MDGA1: variants seen among roughly 807,000 people sequenced by gnomAD.
MDGA1 encodes the protein MAM domain-containing glycosylphosphatidylinositol anchor protein 1.
Under a neutral mutation model 101.5 loss-of-function variants are expected in MDGA1, and 54 were observed. That is an observed-to-expected ratio of 0.53 (90% CI 0.43 to 0.67). The LOEUF is 0.67. MDGA1 is among the 30% of genes least tolerant of loss of function. The pLI, the probability that MDGA1 is intolerant of heterozygous loss-of-function variation, is 0.00. For synonymous variants in MDGA1, 533 were observed against 558.3 expected (o/e 0.95, Z 0.64); for missense variants, 1,083 against 1,323.8 (o/e 0.82, Z 2.82).
Position 37,649,270 on chromosome 6 carries a change from G to A in MDGA1, c.1610-4C>T. The A allele has an allele frequency of 1.3e-6, 2 of 1,488,112 alleles. No individual in the cohort carries two copies. The highest frequency in any genetic ancestry group is 1.8e-6 in the Non-Finnish European group (2 of 1,128,720). The allele number at this position is 1,488,112 out of a possible 1,614,324, so 92.2% of individuals were successfully genotyped here. A position where few individuals can be genotyped will look rare whatever the true frequency, so the allele number is the denominator to read the frequency against. The stretch of plus-strand genomic sequence containing the variant: ...CTGGGCTCCACCTCCGGCGGGACTG[G>A]GGGCGGGAGCGGCGGTCAGCGGGGC... On this transcript the variant is annotated splice_region_variant and splice_polypyrimidine_tract_variant and intron_variant, in intron 8 of 16. Coordinates refer to ENST00000434837, the MANE Select transcript of MDGA1 (RefSeq NM_153487.4).
rs556220931 is a variant in MDGA1, at chr6:37,648,979, C to A, written c.1894+3G>T. 173 of 1,552,020 alleles carry A rather than the reference C, an allele frequency of 1.1e-4. No individual in the cohort carries two copies. Among genetic ancestry groups the A allele is most frequent in the Non-Finnish European group, 1.2e-4 (143 of 1,149,336 alleles). On this transcript the variant is annotated splice_donor_region_variant and intron_variant, in intron 9 of 16. Transcript: ENST00000434837. ...GGTGGGGCGGGACCCACTGGACGCT[C>A]ACCGGAGACCTGGAAGAGGCAGGCA...
chr6:37,649,966 GC>G, intron 8 of MDGA1, 142 bp downstream of exon 8: 1 of 900,722 alleles, frequency 1.1e-6, no homozygotes, highest in Admixed American at 2.0e-5. Context: ...ACAGCATGGG[GC>G]TGTCAAGGAG....
chr6:37,674,609 T>C (rs1397194860), intron 1 of MDGA1, among the ~76,000 whole-genome samples: 1 of 152,220 alleles, frequency 6.6e-6, no homozygotes, highest in African/African-American at 2.4e-5. Context: ...CTTCACTGTC[T>C]ATCAATGGAA....
chr6:37,697,105 C>T lies in MDGA1; in HGVS notation c.-294G>A. ...CGACCCGAGGAGCCCGGCCGCCGAG[C>T]CGCCCCGGGTACCCAGGGCCGTCCG... On this transcript the variant is annotated 5_prime_UTR_variant, in exon 1 of 17. Coordinates refer to ENST00000434837, the MANE Select transcript of MDGA1 (RefSeq NM_153487.4). 3.4e-6 allele frequency: 1 copy of T among 293,636 alleles called. No homozygotes were observed. The highest frequency in any genetic ancestry group is 6.2e-6 in the Non-Finnish European group (1 of 160,716). 18.2% of individuals were successfully genotyped at this position (293,636 alleles called of 1,614,324 possible).
chr6:37,693,713 C>G (rs867057292), intron 1 of MDGA1, among the ~76,000 whole-genome samples: 1 of 152,230 alleles, frequency 6.6e-6, no homozygotes, highest in Non-Finnish European at 1.5e-5. Flanking sequence ...CTGGGGCCAG[C>G]CCAGCCCCCT....
chr6:37,664,192 G>GCTGACCCCTCCC, intron 1 of MDGA1, 86 bp from the exon 2 acceptor site: 1 of 1,555,268 alleles, frequency 6.4e-7, no homozygotes, highest in Non-Finnish European at 8.8e-7. Context: ...GTGTATCTGG[G>GCTGACCCCTCCC]AGGGGTCAGC....
intron 3 of MDGA1, among the ~76,000 whole-genome samples, chr6:37,656,611 A>C (rs142857772): frequency 1.3e-3 from 205 of 152,004 alleles, no homozygotes; most frequent in African/African-American, 4.8e-3. Context: ...GGGCTCAAGC[A>C]ATCCTCCCGC....
At chr6:37,674,830 C>T (rs568470471) in intron 1 of MDGA1, among the ~76,000 whole-genome samples, 38 of 152,186 alleles carry the variant, frequency 2.5e-4, no homozygotes, top group East Asian at 1.4e-3. Flanking sequence ...CTGAGGCAGG[C>T]GGATCATTAG....
chr6:37,654,573 G>A (rs1225387622), intron 5 of MDGA1, 30 bp from the exon 6 acceptor site: 1 of 1,613,766 alleles, frequency 6.2e-7, no homozygotes, highest in African/African-American at 1.3e-5. Flanking sequence ...GGTCTTAGGG[G>A]ACTGTGAGGC....
At chr6:37,684,573 A>G (rs141760773) in intron 1 of MDGA1, among the ~76,000 whole-genome samples, 1 of 152,328 alleles carries the variant, frequency 6.6e-6, no homozygotes, top group Non-Finnish European at 1.5e-5. Context: ...ATGGCTTTTA[A>G]CTTCAGCCTC....
At chr6:37,658,042 G>T (rs1761531514) in intron 3 of MDGA1, among the ~76,000 whole-genome samples, 1 of 152,214 alleles carries the variant, frequency 6.6e-6, no homozygotes. Flanking sequence ...AAGGGAAGTT[G>T]CAAGGTTCAT....
intron 14 of MDGA1, among the ~76,000 whole-genome samples, chr6:37,643,587 T>C (rs1764143956): frequency 6.6e-6 from 1 of 152,208 alleles, no homozygotes; most frequent in Non-Finnish European, 1.5e-5. Flanking sequence ...TGGGGTCTTC[T>C]ATCTGCAGGC....
At chr6:37,651,867 G>T in intron 7 of MDGA1, 144 bp downstream of exon 7, 1 of 668,734 alleles carries the variant, frequency 1.5e-6, no homozygotes, top group Non-Finnish European at 2.5e-6. Flanking sequence ...TATTAACAGG[G>T]ACTCAATAAA....
chr6:37,689,832 T>G (rs1188167325), intron 1 of MDGA1, among the ~76,000 whole-genome samples: 2 of 152,228 alleles, frequency 1.3e-5, no homozygotes, highest in East Asian at 3.9e-4. Context: ...TGGTACAATC[T>G]TGTGTCTTGC....
intron 14 of MDGA1, among the ~76,000 whole-genome samples, chr6:37,642,210 A>C (rs1764104240): frequency 8.5e-6 from 1 of 117,744 alleles, no homozygotes; most frequent in East Asian, 2.6e-4. Flanking sequence ...ACGGAGTCTT[A>C]CTCTGTCACT....
At position 37,643,964 on chromosome 6, in the gene MDGA1, C is replaced by T. The variant is rs376228664; in HGVS notation, c.2402-21G>A. ...GTAGCCTGCGGGGAATGGGGAGATG[C>T]GCCAACAGCCCCCAAGACAGCCAGG... On this transcript the variant is annotated intron_variant, in intron 13 of 16. Transcript: ENST00000434837. 2.9e-5 allele frequency: 47 copies of T among 1,611,882 alleles called. No homozygotes were observed. The African/African-American group carries it at 4.8e-4, about 16-fold the overall frequency.
intron 1 of MDGA1, among the ~76,000 whole-genome samples, chr6:37,679,710 C>T (rs1009614589): frequency 6.6e-6 from 1 of 152,224 alleles, no homozygotes; most frequent in Non-Finnish European, 1.5e-5. Context: ...CTCCTCCGAA[C>T]AGTGGTGGTC....
At chr6:37,668,068 T>C (rs763860015) in intron 1 of MDGA1, among the ~76,000 whole-genome samples, 1 of 150,934 alleles carries the variant, frequency 6.6e-6, no homozygotes, top group African/African-American at 2.4e-5. Context: ...CTGGGCAACA[T>C]AGTGAGGCTC....
In MDGA1 at chr6:37,654,506, C is replaced by T; in HGVS notation, c.750G>A (p.Leu250=). 6.2e-7 allele frequency: 1 copy of T among 1,614,034 alleles called. No homozygotes were observed. The highest frequency in any genetic ancestry group is 1.6e-4 in the Middle Eastern group (1 of 6,062). The change falls in exon 6 of 17, where the codon CTG becomes CTA. Residue 250 remains leucine, a synonymous_variant. Transcript: ENST00000434837. The part of the protein sequence containing the change: ...PALKLSVNET[L]VVNPGENVTV... Reference sequence around the variant, plus strand: ...TCACATTCTCCCCAGGGTTCACCACCAGAGTTTCGTTCACAGACAGCTTCA... The same window carrying T: ...TCACATTCTCCCCAGGGTTCACCACTAGAGTTTCGTTCACAGACAGCTTCA...
Sources: gnomAD v4.1 joint callset for allele counts (sites outside exome capture counted in the v4.1 genomes callset) on GRCh38, gnomAD v4.1.1 for gene constraint, MANE v1.5 for transcripts, NCBI Gene and HGNC (gene_info 2026-07-23, HGNC 2026-07-21) for gene names.